The following ANKRD13D variants were observed in gnomAD, a reference collection of about 807,000 sequenced individuals.
The protein encoded by ANKRD13D is ankyrin repeat domain 13D.
In ANKRD13D, 24 loss-of-function variants were observed where a neutral mutation model predicts 68.8. The observed-to-expected ratio is 0.35, with a 90% CI of 0.25 to 0.49. The LOEUF (loss-of-function observed/expected upper bound fraction) is 0.49, where lower values mean the gene tolerates loss of function less well. Ranked by LOEUF, ANKRD13D falls within the 20% of genes least tolerant of loss-of-function variation. The pLI, the probability that ANKRD13D is intolerant of heterozygous loss-of-function variation, is 0.99. For synonymous variants in ANKRD13D, 331 were observed against 336.1 expected (o/e 0.98, Z 0.16); for missense variants, 735 against 832.1 (o/e 0.88, Z 1.44).
At position 67,299,609 on chromosome 11, in the gene ANKRD13D, A is replaced by G. The variant is rs1860894853; in HGVS notation, c.878A>G (p.Lys293Arg). 1 of 1,551,062 alleles carries G rather than the reference A, an allele frequency of 6.4e-7. No individual in the cohort carries two copies. Among genetic ancestry groups the G allele is most frequent in the Non-Finnish European group, 8.7e-7 (1 of 1,146,916 alleles). The change falls in exon 8 of 15, where the codon AAA becomes AGA. Residue 293 changes from lysine to arginine, a missense_variant and splice_region_variant. Lys to Arg is a conservative substitution (Grantham distance 26, BLOSUM62 2). Transcript: ENST00000511455. The surrounding 1 kb of genome is among the most constrained non-coding windows in gnomAD (Gnocchi z 6.2). Reference sequence around the variant, plus strand: ...TCTGATCAGGACAAGTCGAGGAGCAAAGGTAAACCCAGGTGCGCCTGCCTG... The same window carrying G: ...TCTGATCAGGACAAGTCGAGGAGCAGAGGTAAACCCAGGTGCGCCTGCCTG... ...HLSDQDKSRS[K>R]AGKTPFQSFL...
At chr11:67,295,754 TAAAAA>T (rs1488507808) in intron 6 of ANKRD13D, among the ~76,000 whole-genome samples, 2 of 151,954 alleles carry the variant, frequency 1.3e-5, no homozygotes, top group African/African-American at 4.8e-5. Flanking sequence ...AATAAATAAA[TAAAAA>T]AGAAAAGAAA....
Position 67,301,409 on chromosome 11 carries a change from G to A in ANKRD13D, c.1348+11G>A, listed in dbSNP as rs1200247914. 5 of 1,608,324 alleles carry A rather than the reference G, an allele frequency of 3.1e-6. No individual in the cohort carries two copies. Among genetic ancestry groups the A allele is most frequent in the East Asian group, 2.2e-5 (1 of 44,802 alleles). On this transcript the variant is annotated intron_variant, in intron 12 of 14. Transcript: ENST00000511455. This position sits in a 1 kb window ranked among gnomAD's most constrained non-coding sequence, Gnocchi z 4.5. ...CTGTTGCCGCATCAGGTACCCCAAC[G>A]GGAGGAAGAGGGAGCCTGCACAGCT...
rs952987460 is a variant in ANKRD13D at position 67,300,848 on chromosome 11, C to T, written c.1074-142C>T. The stretch of plus-strand genomic sequence containing the variant: ...CCAGGACACCAGCTCCCGGGGGAGG[C>T]GGGCAGCGGCATCTGAGCAGAGCAG... On this transcript the variant is annotated intron_variant, in intron 10 of 14. Coordinates refer to ENST00000511455, the MANE Select transcript of ANKRD13D (RefSeq NM_207354.3). The surrounding 1 kb of genome is among the most constrained non-coding windows in gnomAD (Gnocchi z 4.3). 17 of 1,050,904 alleles carry T rather than the reference C, an allele frequency of 1.6e-5. No individual in the cohort carries two copies. Among genetic ancestry groups the T allele is most frequent in the East Asian group, 8.0e-5 (3 of 37,444 alleles). The allele number at this position is 1,050,904 out of a possible 1,614,324, so 65.1% of individuals were successfully genotyped here. A position where few individuals can be genotyped will look rare whatever the true frequency, so the allele number is the denominator to read the frequency against.
At position 67,301,582 on chromosome 11, in the gene ANKRD13D, C is replaced by G. The variant is rs367926614; in HGVS notation, c.1443C>G (p.Asp481Glu). 6.2e-7 allele frequency: 1 copy of G among 1,612,924 alleles called. No homozygotes were observed. The highest frequency in any genetic ancestry group is 8.5e-7 in the Non-Finnish European group (1 of 1,180,000). ...TGGAGCGCAACGAGCCCCTCCGGGA[C>G]GAGGACGATGACCTCCTGCAGTTCG... ...LGMERNEPLR[D>E]EDDDLLQFAI... The change falls in exon 13 of 15, where the codon GAC (aspartate) becomes GAG (glutamate). Residue 481 changes from aspartate to glutamate, a missense_variant. Physicochemically the swap from Asp to Glu is conservative, Grantham distance 45. Coordinates refer to ENST00000511455, the MANE Select transcript of ANKRD13D (RefSeq NM_207354.3). The surrounding 1 kb of genome is among the most constrained non-coding windows in gnomAD (Gnocchi z 4.5).
Position 67,301,793 on chromosome 11 carries a change from C to T in ANKRD13D, c.1574C>T (p.Thr525Met), listed in dbSNP as rs752629115. The T allele has an allele frequency of 5.0e-6, 8 of 1,607,074 alleles. No individual in the cohort carries two copies. Among genetic ancestry groups the T allele is most frequent in the South Asian group, 3.3e-5 (3 of 90,144 alleles). ...GGTGCCCGCCCTCCTCCCCAGGCCA[C>T]GGTTTATGAGGAACAGCTTCAGCTG... ...RPGARPPPQA[T>M]VYEEQLQLER... Residue 525 changes from threonine to methionine, a missense_variant, in exon 14 of 15, where the codon ACG becomes ATG. Physicochemically the swap from Thr to Met is moderately conservative, Grantham distance 81. Transcript: ENST00000511455. The surrounding 1 kb of genome is among the most constrained non-coding windows in gnomAD (Gnocchi z 4.5).
intron 3 of ANKRD13D, chr11:67,291,122 C>G: frequency 3.6e-6 from 1 of 277,020 alleles, no homozygotes; most frequent in Non-Finnish European, 6.9e-6. Context: ...CTTTCTGAGG[C>G]CAAAGTGGGC....
At chr11:67,293,293 C>T (rs1860650457) in intron 6 of ANKRD13D, among the ~76,000 whole-genome samples, 1 of 152,150 alleles carries the variant, frequency 6.6e-6, no homozygotes, top group Non-Finnish European at 1.5e-5. Context: ...CCAGTTTCTC[C>T]ACATCCTCAT....
Position 67,291,524 on chromosome 11 carries a change from G to A in ANKRD13D, c.397+3G>A, listed in dbSNP as rs1860545977. On this transcript the variant is annotated splice_donor_region_variant and intron_variant, in intron 4 of 14. Transcript: ENST00000511455. ...GAAGTGGGAGTTCACCAGCTGGGGT[G>A]AGTGGGGACCTCTGGGCTCCCAGGG... 2 of 1,613,926 alleles carry A rather than the reference G, an allele frequency of 1.2e-6. No homozygotes were observed. The highest frequency in any genetic ancestry group is 1.7e-6 in the Non-Finnish European group (2 of 1,179,982).
Position 67,300,936 on chromosome 11 carries a change from C to A in ANKRD13D, c.1074-54C>A. On this transcript the variant is annotated intron_variant, in intron 10 of 14. Coordinates refer to ENST00000511455, the MANE Select transcript of ANKRD13D (RefSeq NM_207354.3). This position sits in a 1 kb window ranked among gnomAD's most constrained non-coding sequence, Gnocchi z 4.3. Reference sequence around the variant, plus strand: ...TGCCCACGAACCAGAGGGCAGTCCTCAATGGAAGGGCCACCAGCCGTGCCT... The same window carrying A: ...TGCCCACGAACCAGAGGGCAGTCCTAAATGGAAGGGCCACCAGCCGTGCCT... 1 of 1,601,364 alleles carries A rather than the reference C, an allele frequency of 6.2e-7. No homozygotes were observed. The highest frequency in any genetic ancestry group is 1.1e-5 in the South Asian group (1 of 89,608).
At chr11:67,291,297 G>A (rs1860529982) in intron 3 of ANKRD13D, 179 bp from the exon 4 acceptor site, 1 of 651,364 alleles carries the variant, frequency 1.5e-6, no homozygotes, top group Admixed American at 3.1e-5. Context: ...GGCAGAGGTT[G>A]CAGTGAGCCG....
chr11:67,302,389 T>A lies in ANKRD13D; in HGVS notation c.*57T>A. 6.9e-7 allele frequency: 1 copy of A among 1,445,744 alleles called. No homozygotes were observed. Among genetic ancestry groups the A allele is most frequent in the Non-Finnish European group, 9.1e-7 (1 of 1,094,390 alleles). 89.6% of individuals were successfully genotyped at this position (1,445,744 alleles called of 1,614,324 possible). ...TCCCTGCCCGCTTTTGTAATTTATT[T>A]ATTTATAAACTCTCTGCTGCTGAGC... On this transcript the variant is annotated 3_prime_UTR_variant, in exon 15 of 15. Transcript: ENST00000511455.
Position 67,300,135 on chromosome 11 carries a change from G to A in ANKRD13D, c.1073+12G>A. On this transcript the variant is annotated intron_variant, in intron 10 of 14. Coordinates refer to ENST00000511455, the MANE Select transcript of ANKRD13D (RefSeq NM_207354.3). This position sits in a 1 kb window ranked among gnomAD's most constrained non-coding sequence, Gnocchi z 4.3. ...AGCAAAGTACAGAGGTGAGGTCTGAGAGCTGGCTGGGGACTTGCCTCGGGA... is the reference window on the plus strand; with the variant it reads ...AGCAAAGTACAGAGGTGAGGTCTGAAAGCTGGCTGGGGACTTGCCTCGGGA... 1 of 1,613,688 alleles carries A rather than the reference G, an allele frequency of 6.2e-7. No homozygotes were observed. Among genetic ancestry groups the A allele is most frequent in the Non-Finnish European group, 8.5e-7 (1 of 1,179,806 alleles).
intron 6 of ANKRD13D, among the ~76,000 whole-genome samples, chr11:67,292,509 C>T (rs989667880): frequency 3.3e-5 from 5 of 152,020 alleles, no homozygotes; most frequent in East Asian, 1.9e-4. Flanking sequence ...GTCATTGGTG[C>T]GGCTGTGTTG....
At position 67,298,642 on chromosome 11, in the gene ANKRD13D, A is replaced by G. The variant is rs562153780; in HGVS notation, c.732-416A>G. On this transcript the variant is annotated intron_variant, in intron 6 of 14. Coordinates refer to ENST00000511455, the MANE Select transcript of ANKRD13D (RefSeq NM_207354.3). ...GAAAGAAGAGATAATGTACTTACTC[A>G]TCACCCAGCTTCAACATTTATCAAC... The G allele has an allele frequency of 8.2e-4, 152 of 184,454 alleles. 1 individual carries two copies. The highest frequency in any genetic ancestry group is 8.1e-3 in the Admixed American group (151 of 18,558). The allele number at this position is 184,454 out of a possible 1,614,324, so 11.4% of individuals were successfully genotyped here.
rs1422778918 is a variant in ANKRD13D at position 67,301,805 on chromosome 11, A to C, written c.1586A>C (p.Glu529Ala). The part of the protein sequence containing the change: ...RPPPQATVYE[E>A]QLQLERALQE... ...CCTCCCCAGGCCACGGTTTATGAGG[A>C]ACAGCTTCAGCTGGAGCGGTGAGCC... is the stretch of plus-strand genomic sequence containing the variant. The change falls in exon 14 of 15, where the codon GAA (glutamate) becomes GCA (alanine). Residue 529 changes from glutamate to alanine, a missense_variant. Glu to Ala is a moderately radical substitution (Grantham distance 107, BLOSUM62 -1). Coordinates refer to ENST00000511455, the MANE Select transcript of ANKRD13D (RefSeq NM_207354.3). This position sits in a 1 kb window ranked among gnomAD's most constrained non-coding sequence, Gnocchi z 4.5. The C allele has an allele frequency of 5.6e-6, 9 of 1,603,840 alleles. No individual in the cohort carries two copies. The highest frequency in any genetic ancestry group is 7.7e-6 in the Non-Finnish European group (9 of 1,175,948).
rs550381557 is a variant in ANKRD13D, at chr11:67,291,925, C to T, written c.542-66C>T. The T allele has an allele frequency of 5.2e-6, 8 of 1,526,602 alleles. No homozygotes were observed. The African/African-American group carries it at 6.9e-5, about 13-fold the overall frequency. The allele number at this position is 1,526,602 out of a possible 1,614,324, so 94.6% of individuals were successfully genotyped here. Reference sequence around the variant, plus strand: ...CAGGTGGCTGAGGGTACATGATCGCCCTCTCTGCACTGCTGGCGCCCAGCA... The same window carrying T: ...CAGGTGGCTGAGGGTACATGATCGCTCTCTCTGCACTGCTGGCGCCCAGCA... On this transcript the variant is annotated intron_variant, in intron 5 of 14. Transcript: ENST00000511455.
chr11:67,291,823 C>A, intron 5 of ANKRD13D, 77 bp downstream of exon 5: 1 of 1,568,318 alleles, frequency 6.4e-7, no homozygotes. Context: ...GCTGCCTTTT[C>A]TCTCCACTTT....
chr11:67,289,983 A>G, intron 1 of ANKRD13D, 95 bp from the exon 2 acceptor site: 2 of 1,464,362 alleles, frequency 1.4e-6, no homozygotes, highest in Non-Finnish European at 1.8e-6. Flanking sequence ...CGCCGTCCTT[A>G]TTTCCCACAG....
chr11:67,290,886 C>A, intron 3 of ANKRD13D: 1 of 177,646 alleles, frequency 5.6e-6, no homozygotes. Context: ...GACTCTGAGA[C>A]CCAGTGGAAA....
Sources: gnomAD v4.1 joint callset for allele counts (sites outside exome capture counted in the v4.1 genomes callset) on GRCh38, gnomAD v4.1.1 for gene constraint, Gnocchi (gnomAD v3.1) non-coding constraint, MANE v1.5 for transcripts, NCBI Gene and HGNC (gene_info 2026-07-23, HGNC 2026-07-21) for gene names.